PALS1: variants seen among roughly 807,000 people sequenced by gnomAD.
PALS1 encodes protein PALS1.
Under a neutral mutation model 78.9 loss-of-function variants are expected in PALS1, and 31 were observed. The ratio of observed to expected loss-of-function variants is 0.39; its 90% confidence interval spans 0.30 to 0.53. The LOEUF is 0.53. Among genes scored for constraint, PALS1 ranks in the 20% least tolerant of loss-of-function variants. PALS1 has a pLI of 0.67. For missense variants in PALS1, 704 were observed against 826.5 expected, an observed-to-expected ratio of 0.85 and a Z score of 1.82; for synonymous variants, 276 against 270.9, an observed-to-expected ratio of 1.02 and a Z score of -0.18.
chr14:67,326,221 ATTTTTT>A (rs760127048), intron 14 of PALS1, among the ~76,000 whole-genome samples: 26 of 12,898 alleles, frequency 2.0e-3, no homozygotes, highest in African/African-American at 5.3e-3. Context: ...TTTAGGTCTG[ATTTTTT>A]TTTTTTTTTT....
chr14:67,275,072 C>CA (rs1356105076), intron 2 of PALS1, among the ~76,000 whole-genome samples: 4 of 152,186 alleles, frequency 2.6e-5, no homozygotes, highest in Non-Finnish European at 5.9e-5. Context: ...CAAACAGGGA[C>CA]AATTTGACTT....
intron 8 of PALS1, among the ~76,000 whole-genome samples, chr14:67,305,110 T>C (rs374923945): frequency 6.6e-6 from 1 of 152,210 alleles, no homozygotes; most frequent in South Asian, 2.1e-4. Context: ...CTGTGCATTG[T>C]GCTGTTCCCT....
chr14:67,297,998 G>T (rs2084882205), intron 4 of PALS1, among the ~76,000 whole-genome samples: 1 of 152,278 alleles, frequency 6.6e-6, no homozygotes, highest in African/African-American at 2.4e-5. Context: ...CACAGTTGTT[G>T]TGGGGAGACA....
At chr14:67,311,327 AAAAGCC>A (rs1566570600) in intron 8 of PALS1, among the ~76,000 whole-genome samples, 1 of 152,006 alleles carries the variant, frequency 6.6e-6, no homozygotes, top group Non-Finnish European at 1.5e-5. Context: ...AAAAAAAAAA[AAAAGCC>A]AAAGCCAAAT....
intron 10 of PALS1, 86 bp downstream of exon 10, chr14:67,316,989 A>AG (rs766327712): frequency 6.2e-5 from 63 of 1,011,150 alleles, no homozygotes; most frequent in East Asian, 1.0e-4. Flanking sequence ...AGAACCGTGA[A>AG]GAAGTACTCA....
chr14:67,241,867 C>G (rs1035690204), intron 1 of PALS1: 2 of 152,182 alleles, frequency 1.3e-5, no homozygotes, highest in Non-Finnish European at 2.9e-5. Context: ...CCCCTGCGCC[C>G]TCTCTCCGAG....
At chr14:67,323,080 C>T (rs1393389826) in intron 13 of PALS1, among the ~76,000 whole-genome samples, 10 of 151,976 alleles carry the variant, frequency 6.6e-5, no homozygotes, top group African/African-American at 2.4e-4. Flanking sequence ...TGTATGTGAT[C>T]TTATTATTAA....
intron 1 of PALS1, among the ~76,000 whole-genome samples, chr14:67,262,565 T>C (rs72717367): frequency 0.03 from 4,636 of 152,276 alleles, 86 homozygotes; most frequent in Non-Finnish European, 0.036. Flanking sequence ...TATCCTGCCA[T>C]GTGTAAAGGA....
chr14:67,251,519 A>G (rs1473784177), intron 1 of PALS1, among the ~76,000 whole-genome samples: 1 of 152,172 alleles, frequency 6.6e-6, no homozygotes, highest in Non-Finnish European at 1.5e-5. Flanking sequence ...GTCAACAGCA[A>G]CAGAACGAGA....
At chr14:67,320,841 ATATAAC>A (rs2140992752) in intron 12 of PALS1, among the ~76,000 whole-genome samples, 1 of 151,906 alleles carries the variant, frequency 6.6e-6, no homozygotes, top group South Asian at 2.1e-4. Flanking sequence ...ATTGAGATAA[ATATAAC>A]TATTACTAAG....
chr14:67,242,113 C>G (rs1001791247), intron 1 of PALS1: 1 of 152,158 alleles, frequency 6.6e-6, no homozygotes, highest in African/African-American at 2.4e-5. Context: ...AACTTTGAAG[C>G]ATGTAAATTG....
intron 8 of PALS1, among the ~76,000 whole-genome samples, chr14:67,305,229 C>T (rs924926644): frequency 3.3e-5 from 5 of 152,102 alleles, no homozygotes; most frequent in African/African-American, 1.2e-4. Flanking sequence ...TACAATAATC[C>T]ATCCCTCCTG....
intron 2 of PALS1, among the ~76,000 whole-genome samples, chr14:67,274,862 G>C (rs1356266894): frequency 6.6e-6 from 1 of 152,056 alleles, no homozygotes; most frequent in South Asian, 2.1e-4. Context: ...GGATTCCTAG[G>C]TATTTTATTC....
chr14:67,305,069 G>C (rs2084981125), intron 8 of PALS1, among the ~76,000 whole-genome samples: 1 of 152,130 alleles, frequency 6.6e-6, no homozygotes, highest in Non-Finnish European at 1.5e-5. Context: ...AGGAAATATA[G>C]TTTGTCTTTG....
chr14:67,331,129 C>T (rs1481785438), intron 14 of PALS1, among the ~76,000 whole-genome samples: 1 of 152,182 alleles, frequency 6.6e-6, no homozygotes, highest in Non-Finnish European at 1.5e-5. Flanking sequence ...ACTGCAACCT[C>T]TGCTTCCTGG....
At chr14:67,317,814 A>G (rs1324686844) in intron 11 of PALS1, among the ~76,000 whole-genome samples, 1 of 152,220 alleles carries the variant, frequency 6.6e-6, no homozygotes, top group Non-Finnish European at 1.5e-5. Context: ...CACAGAAGCA[A>G]CTCATTCCTG....
In PALS1 at chr14:67,279,366, A is replaced by T; in HGVS notation, c.196A>T (p.Met66Leu). Residue 66 changes from methionine (M) to leucine (L), a missense_variant, in exon 3 of 15, where the codon ATG becomes TTG. By Grantham distance (15) the Met-to-Leu change is conservative. Coordinates refer to ENST00000261681, the MANE Select transcript of PALS1 (RefSeq NM_022474.4). Reference protein sequence around the residue: ...LERIRQQQEDMRRRREEEGKK... With the variant: ...LERIRQQQEDLRRRREEEGKK... ...GCGTATTCGGCAACAACAGGAGGAC[A>T]TGAGGCGTAGGAGAGAGGAAGAAGG... The T allele has an allele frequency of 6.2e-7, 1 of 1,614,028 alleles. No individual in the cohort carries two copies. The highest frequency in any genetic ancestry group is 1.1e-5 in the South Asian group (1 of 91,052).
intron 1 of PALS1, among the ~76,000 whole-genome samples, chr14:67,259,496 C>T (rs1227741458): frequency 6.6e-6 from 1 of 151,972 alleles, no homozygotes; most frequent in East Asian, 1.9e-4. Context: ...CCTGTAATCC[C>T]AGTTACTCAG....
intron 4 of PALS1, among the ~76,000 whole-genome samples, chr14:67,298,164 G>A (rs907662179): frequency 3.3e-5 from 5 of 152,110 alleles, no homozygotes; most frequent in Admixed American, 1.3e-4. Flanking sequence ...TTGTGACAGA[G>A]AGCCACTCAG....
Sources: gnomAD v4.1 joint callset for allele counts (sites outside exome capture counted in the v4.1 genomes callset) on GRCh38, gnomAD v4.1.1 for gene constraint, MANE v1.5 for transcripts, NCBI Gene and HGNC (gene_info 2026-07-23, HGNC 2026-07-21) for gene names.